Variants in PRKN observed in about 807,000 individuals in gnomAD.
PRKN encodes the protein E3 ubiquitin-protein ligase parkin.
Under a neutral mutation model 59.5 loss-of-function variants are expected in PRKN, and 56 were observed. The ratio of observed to expected loss-of-function variants is 0.94; its 90% CI spans 0.76 to 1.18. The LOEUF is 1.18. Ranked by LOEUF, PRKN falls within the 50% of genes most tolerant of loss-of-function variation. The pLI is 0.00. For missense variants in PRKN, 657 were observed against 596.4 expected, an observed-to-expected ratio of 1.10 and a Z score of -1.06; for synonymous variants, 250 against 222.1, an observed-to-expected ratio of 1.13 and a Z score of -1.12.
intron 3 of PRKN, among the ~76,000 whole-genome samples, chr6:162,245,750 A>G (rs977082996): frequency 6.6e-6 from 1 of 152,110 alleles, no homozygotes; most frequent in African/African-American, 2.4e-5. Flanking sequence ...CTTGGAGCAC[A>G]GACTCACAAT....
intron 2 of PRKN, among the ~76,000 whole-genome samples, chr6:162,405,287 T>C (rs978485717): frequency 6.6e-6 from 1 of 152,154 alleles, no homozygotes; most frequent in African/African-American, 2.4e-5. Flanking sequence ...GAGAAACAAC[T>C]TCCCGAAAAC....
rs572689640 is a variant in PRKN at position 162,074,036 on chromosome 6, T to C, written c.535-19862A>G. On this transcript the variant is annotated intron_variant, in intron 4 of 11. Coordinates refer to ENST00000366898, the MANE Select transcript of PRKN (RefSeq NM_004562.3). ...GAACACTTTTACACTGTTGGTGGGA[T>C]TGTAAACTAGTTCAACCATTGTGGA... is the stretch of plus-strand genomic sequence containing the variant. Among the ~76,000 whole-genome samples the C allele has an allele frequency of 8.8e-4, 131 of 148,546 alleles. 3 individuals are homozygous for C. The Middle Eastern group carries it at 0.024, about 27-fold the overall frequency.
At chr6:161,818,827 G>C (rs1791899716) in intron 6 of PRKN, among the ~76,000 whole-genome samples, 1 of 152,132 alleles carries the variant, frequency 6.6e-6, no homozygotes, top group African/African-American at 2.4e-5. Context: ...ATAGAGCTAC[G>C]AACTGGAGAA....
chr6:162,322,034 G>GA (rs34117298), intron 2 of PRKN, among the ~76,000 whole-genome samples: 1 of 151,764 alleles, frequency 6.6e-6, no homozygotes, highest in Non-Finnish European at 1.5e-5. Context: ...CATAAGATTA[G>GA]AAAAAAATTA....
intron 1 of PRKN, among the ~76,000 whole-genome samples, chr6:162,537,179 C>A (rs1195322269): frequency 6.6e-6 from 1 of 152,102 alleles, no homozygotes; most frequent in African/African-American, 2.4e-5. Flanking sequence ...GGGGAGCTTT[C>A]AAAACTATTA....
intron 2 of PRKN, among the ~76,000 whole-genome samples, chr6:162,356,747 TAAAAAAAAAAAAA>T (rs748212596): frequency 3.7e-4 from 27 of 73,062 alleles, no homozygotes; most frequent in Admixed American, 3.6e-3. Context: ...TGATTATTAG[TAAAAAAAAAAAAA>T]AAAAAAAAAA....
At chr6:162,356,956 C>A (rs1264307813) in intron 2 of PRKN, among the ~76,000 whole-genome samples, 4 of 151,968 alleles carry the variant, frequency 2.6e-5, no homozygotes, top group Non-Finnish European at 4.4e-5. Context: ...CAGTTTACAT[C>A]CTTAACAAAA....
At chr6:162,000,127 G>A (rs999505842) in intron 5 of PRKN, among the ~76,000 whole-genome samples, 1 of 152,058 alleles carries the variant, frequency 6.6e-6, no homozygotes, top group Non-Finnish European at 1.5e-5. Context: ...CTTTTGTGTG[G>A]ACATAAACTT....
chr6:162,416,161 A>G (rs1160794298), intron 2 of PRKN, among the ~76,000 whole-genome samples: 2 of 152,200 alleles, frequency 1.3e-5, no homozygotes, highest in Admixed American at 6.5e-5. Context: ...TACCACTGCC[A>G]TAACAATGAC....
chr6:162,236,949 A>C (rs1778757324), intron 3 of PRKN, among the ~76,000 whole-genome samples: 1 of 152,064 alleles, frequency 6.6e-6, no homozygotes, highest in Admixed American at 6.6e-5. Flanking sequence ...AAAAGAAAAG[A>C]AAAGCCCCTT....
chr6:161,591,935 G>A (rs953835281), intron 7 of PRKN, among the ~76,000 whole-genome samples: 8 of 151,860 alleles, frequency 5.3e-5, no homozygotes, highest in Non-Finnish European at 7.4e-5. Context: ...GTCCCTTGGC[G>A]TCCAAGGAGT....
At chr6:162,251,487 C>T (rs141226559) in intron 3 of PRKN, among the ~76,000 whole-genome samples, 2 of 152,228 alleles carry the variant, frequency 1.3e-5, no homozygotes, top group South Asian at 2.1e-4. Context: ...CTCCAAGCAG[C>T]CACATTTCCA....
intron 7 of PRKN, among the ~76,000 whole-genome samples, chr6:161,705,407 C>A (rs1451867214): frequency 6.6e-6 from 1 of 152,104 alleles, no homozygotes; most frequent in Non-Finnish European, 1.5e-5. Context: ...AAGTGAAAAA[C>A]AAGGTTGGAT....
chr6:161,976,779 C>T (rs1781049357), intron 5 of PRKN, among the ~76,000 whole-genome samples: 1 of 152,274 alleles, frequency 6.6e-6, no homozygotes, highest in African/African-American at 2.4e-5. Context: ...GCTGAGTTGG[C>T]AGGACTATTG....
chr6:162,369,535 G>T (rs1380191269), intron 2 of PRKN, among the ~76,000 whole-genome samples: 2 of 152,156 alleles, frequency 1.3e-5, no homozygotes, highest in African/African-American at 4.8e-5. Flanking sequence ...AAAAATATCA[G>T]CCATTTGTCT....
chr6:162,451,697 A>C (rs975025519), intron 1 of PRKN, among the ~76,000 whole-genome samples: 2 of 152,220 alleles, frequency 1.3e-5, no homozygotes, highest in Non-Finnish European at 2.9e-5. Context: ...GCATTAGTGA[A>C]GAATAAAGAA....
intron 2 of PRKN, among the ~76,000 whole-genome samples, chr6:162,333,849 T>G (rs1783707062): frequency 6.6e-6 from 1 of 152,156 alleles, no homozygotes; most frequent in African/African-American, 2.4e-5. Context: ...TACCAACAAG[T>G]TAGTCAAGTT....
chr6:162,439,366 G>T, intron 2 of PRKN, among the ~76,000 whole-genome samples: 1 of 100,838 alleles, frequency 9.9e-6, no homozygotes, highest in Admixed American at 1.3e-4. Flanking sequence ...CTCTCTCTCT[G>T]CCCCTCCCTT....
At chr6:162,473,973 G>T in intron 1 of PRKN, among the ~76,000 whole-genome samples, 1 of 152,178 alleles carries the variant, frequency 6.6e-6, no homozygotes, top group South Asian at 2.1e-4. Flanking sequence ...CCAGCTTTCC[G>T]GTGCAACATC....
Sources: allele counts gnomAD v4.1 joint callset (sites outside exome capture counted in the v4.1 genomes callset), GRCh38; gene constraint gnomAD v4.1.1; transcripts MANE v1.5; gene names NCBI Gene and HGNC (gene_info 2026-07-23, HGNC 2026-07-21).